The following FCHSD2 variants were observed in gnomAD, a reference collection of about 807,000 sequenced individuals.
FCHSD2 encodes the protein F-BAR and double SH3 domains protein 2.
A neutral mutation model predicts 108.1 loss-of-function variants in FCHSD2; 38 were observed. That is an observed-to-expected ratio of 0.35 (90% CI 0.27 to 0.46). The LOEUF (loss-of-function observed/expected upper bound fraction) is 0.46, where lower values mean the gene tolerates loss of function less well. Among genes scored for constraint, FCHSD2 ranks in the 20% least tolerant of loss-of-function variants. The pLI is 1.00. For synonymous variants in FCHSD2, 279 were observed against 314.7 expected (o/e 0.89, Z 1.20); for missense variants, 751 against 897.8 (o/e 0.84, Z 2.09).
chr11:72,854,151 C>T (rs2135177399), intron 13 of FCHSD2, among the ~76,000 whole-genome samples: 1 of 152,244 alleles, frequency 6.6e-6, no homozygotes, highest in South Asian at 2.1e-4. Flanking sequence ...GGTACAGCTG[C>T]TATGGAAAAA....
intron 12 of FCHSD2, among the ~76,000 whole-genome samples, chr11:72,880,259 A>G (rs1855056543): frequency 6.6e-6 from 1 of 152,174 alleles, no homozygotes; most frequent in African/African-American, 2.4e-5. Flanking sequence ...CTTCACAGAA[A>G]TAGAAAAAAA....
rs1479228565 is a variant in FCHSD2, at chr11:72,837,221, G to A, written c.*1570C>T. ...GACCTCAAATAGATCAACAGGTTAA[G>A]AAGTGTAAAAAACAACAACGAAAAA... is the stretch of plus-strand genomic sequence containing the variant. On this transcript the variant is annotated 3_prime_UTR_variant, in exon 20 of 20. Coordinates refer to ENST00000409418, the MANE Select transcript of FCHSD2 (RefSeq NM_014824.3). 2.6e-5 allele frequency: 4 copies of A among 152,258 alleles called. No homozygotes were observed. The East Asian group carries it at 5.8e-4, about 22-fold the overall frequency. The allele number at this position is 152,258 out of a possible 1,614,324, so 9.4% of individuals were successfully genotyped here.
chr11:73,004,509 C>A (rs1857698781), intron 4 of FCHSD2, among the ~76,000 whole-genome samples: 1 of 152,172 alleles, frequency 6.6e-6, no homozygotes, highest in Admixed American at 6.5e-5. Flanking sequence ...GGTCCTACCC[C>A]CTTTCCATTG....
At chr11:72,944,840 C>A (rs1856487563) in intron 8 of FCHSD2, among the ~76,000 whole-genome samples, 1 of 152,132 alleles carries the variant, frequency 6.6e-6, no homozygotes. Context: ...ATCCAACTTA[C>A]AAGGGATGTG....
chr11:72,967,827 C>A (rs1276060760), intron 8 of FCHSD2, among the ~76,000 whole-genome samples: 1 of 150,362 alleles, frequency 6.7e-6, no homozygotes, highest in Non-Finnish European at 1.5e-5. Flanking sequence ...GCGGGTGGCT[C>A]ATGCCTGTAA....
chr11:73,113,746 G>C (rs1860545545), intron 2 of FCHSD2, among the ~76,000 whole-genome samples: 1 of 152,190 alleles, frequency 6.6e-6, no homozygotes, highest in Non-Finnish European at 1.5e-5. Flanking sequence ...GGGAAAGTTT[G>C]TCAGGTATCT....
chr11:72,986,917 T>C lies in FCHSD2; in HGVS notation c.522-1801A>G, dbSNP rs527948536. ...CCTTCAAAATTAATGTTCCTTGGGG[T>C]TCCAAACTCAACTTCTCATCTATTC... On this transcript the variant is annotated intron_variant, in intron 6 of 19. Coordinates refer to ENST00000409418, the MANE Select transcript of FCHSD2 (RefSeq NM_014824.3). Among the ~76,000 whole-genome samples the C allele has an allele frequency of 5.9e-5, 9 of 152,056 alleles. No homozygotes were observed. The South Asian group carries it at 1.5e-3, about 25-fold the overall frequency.
intron 3 of FCHSD2, among the ~76,000 whole-genome samples, chr11:73,068,654 T>A (rs919807796): frequency 3.3e-5 from 5 of 151,278 alleles, no homozygotes; most frequent in African/African-American, 1.2e-4. Flanking sequence ...ACAGATGAAG[T>A]TAATTATACA....
chr11:73,085,714 T>C (rs1859799247), intron 2 of FCHSD2, among the ~76,000 whole-genome samples: 1 of 151,258 alleles, frequency 6.6e-6, no homozygotes. Flanking sequence ...ACTTTTTAAC[T>C]ATTAAAAAAA....
chr11:73,000,619 AAATT>A (rs1857607768), intron 5 of FCHSD2, among the ~76,000 whole-genome samples: 1 of 152,222 alleles, frequency 6.6e-6, no homozygotes, highest in African/African-American at 2.4e-5. Context: ...AAAGTAAGAC[AAATT>A]AATGTAAACT....
chr11:72,947,681 T>C (rs1456456854), intron 8 of FCHSD2, among the ~76,000 whole-genome samples: 1 of 152,114 alleles, frequency 6.6e-6, no homozygotes, highest in Non-Finnish European at 1.5e-5. Context: ...CAAAAGTTAG[T>C]TCATAGATTT....
chr11:72,989,083 C>T lies in FCHSD2; in HGVS notation c.402G>A (p.Leu134=). ...CTTGTAATTCAGTTTGGATCTTTGTCAACTGGTCCACACACTGTAAAATAC... is the reference window on the plus strand; with the variant it reads ...CTTGTAATTCAGTTTGGATCTTTGTTAACTGGTCCACACACTGTAAAATAC... ...EQQLKRCVDQ[L]TKIQTELQET... is the part of the protein sequence containing the mutation. Residue 134 remains leucine, a synonymous_variant, in exon 6 of 20, where the codon TTG becomes TTA. Coordinates refer to ENST00000409418, the MANE Select transcript of FCHSD2 (RefSeq NM_014824.3). 1 of 1,607,936 alleles carries T rather than the reference C, an allele frequency of 6.2e-7. No individual in the cohort carries two copies. Among genetic ancestry groups the T allele is most frequent in the South Asian group, 1.1e-5 (1 of 90,352 alleles).
chr11:73,131,368 A>C (rs549001315), intron 2 of FCHSD2, among the ~76,000 whole-genome samples: 38 of 151,628 alleles, frequency 2.5e-4, no homozygotes, highest in Admixed American at 2.4e-3. Flanking sequence ...GTACAAAAAA[A>C]AAAAAAAAAA....
intron 2 of FCHSD2, among the ~76,000 whole-genome samples, chr11:73,128,826 C>T (rs1054010473): frequency 3.9e-4 from 60 of 152,178 alleles, no homozygotes; most frequent in African/African-American, 1.3e-3. Flanking sequence ...CACGTTTCAA[C>T]CCACAGGTTA....
At chr11:72,896,787 A>G (rs867680854) in intron 10 of FCHSD2, among the ~76,000 whole-genome samples, 14 of 150,390 alleles carry the variant, frequency 9.3e-5, no homozygotes, top group Middle Eastern at 3.4e-3. Flanking sequence ...AAAAAAAAAA[A>G]AAAGAAAGAA....
chr11:72,893,740 T>C (rs993327601), intron 10 of FCHSD2, among the ~76,000 whole-genome samples: 8 of 150,890 alleles, frequency 5.3e-5, no homozygotes, highest in African/African-American at 1.7e-4. Context: ...AGAGGGAGAC[T>C]CTGTCTCCAA....
chr11:72,991,505 T>C (rs948230246), intron 5 of FCHSD2, among the ~76,000 whole-genome samples: 57 of 152,102 alleles, frequency 3.7e-4, no homozygotes, highest in African/African-American at 1.3e-3. Flanking sequence ...ACCAAAAGCT[T>C]ATCCACCATG....
chr11:73,017,243 T>C (rs1448659512), intron 3 of FCHSD2, among the ~76,000 whole-genome samples: 5 of 152,166 alleles, frequency 3.3e-5, no homozygotes, highest in African/African-American at 9.7e-5. Flanking sequence ...CCTCCCAAAG[T>C]TCTGGGATTA....
chr11:73,141,535 C>T (rs1361524342), intron 1 of FCHSD2, among the ~76,000 whole-genome samples: 1 of 152,254 alleles, frequency 6.6e-6, no homozygotes, highest in Non-Finnish European at 1.5e-5. Flanking sequence ...CCCCGCCTCC[C>T]CCTCGGTGCA....
Sources: gnomAD v4.1 joint callset for allele counts (sites outside exome capture counted in the v4.1 genomes callset) on GRCh38, gnomAD v4.1.1 for gene constraint, MANE v1.5 for transcripts, NCBI Gene and HGNC (gene_info 2026-07-23, HGNC 2026-07-21) for gene names.